The following METTL8 variants were observed in gnomAD, a reference collection of about 807,000 sequenced individuals.
METTL8 encodes tRNA N(3)-cytidine methyltransferase METTL8, mitochondrial.
METTL8 carries 32 observed loss-of-function variants against 48.7 expected under a neutral mutation model. The observed-to-expected ratio is 0.66, with a 90% CI of 0.50 to 0.88. METTL8 has a LOEUF of 0.88. METTL8 is among the 40% of genes least tolerant of loss of function. METTL8 has a pLI of 0.00. For missense variants in METTL8, 464 were observed against 474.4 expected (o/e 0.98, Z 0.20); for synonymous variants, 136 against 157.1 (o/e 0.87, Z 1.01).
At chr2:171,361,492 A>G (rs1685167429) in intron 2 of METTL8, among the ~76,000 whole-genome samples, 1 of 152,196 alleles carries the variant, frequency 6.6e-6, no homozygotes, top group South Asian at 2.1e-4. Context: ...ACCGACAAAC[A>G]TTGAGCAGTT....
At chr2:171,430,162 A>C (rs1019438423) in intron 1 of METTL8, among the ~76,000 whole-genome samples, 3 of 152,166 alleles carry the variant, frequency 2.0e-5, no homozygotes, top group African/African-American at 7.2e-5. Context: ...GTTCACAACC[A>C]GCCTGGCCAA....
At chr2:171,365,850 T>C (rs1685661480) in intron 2 of METTL8, among the ~76,000 whole-genome samples, 1 of 152,168 alleles carries the variant, frequency 6.6e-6, no homozygotes, top group African/African-American at 2.4e-5. Flanking sequence ...GCAAGACTGA[T>C]CCTTAAGAGA....
At chr2:171,419,857 C>T (rs1441798323) in intron 1 of METTL8, among the ~76,000 whole-genome samples, 1 of 152,040 alleles carries the variant, frequency 6.6e-6, no homozygotes, top group Non-Finnish European at 1.5e-5. Flanking sequence ...TTCCACCACC[C>T]TAAAAAAATC....
intron 3 of METTL8, among the ~76,000 whole-genome samples, chr2:171,346,337 T>C (rs982171858): frequency 6.6e-6 from 1 of 152,230 alleles, no homozygotes; most frequent in Non-Finnish European, 1.5e-5. Flanking sequence ...CCAGATGCCA[T>C]ATACATTTTA....
At chr2:171,388,477 T>C (rs1205687472) in intron 2 of METTL8, among the ~76,000 whole-genome samples, 1 of 152,186 alleles carries the variant, frequency 6.6e-6, no homozygotes, top group Non-Finnish European at 1.5e-5. Context: ...CTATCCTCTA[T>C]CTCATGAAAA....
intron 2 of METTL8, among the ~76,000 whole-genome samples, chr2:171,373,184 T>G (rs972414748): frequency 6.6e-6 from 1 of 152,168 alleles, no homozygotes; most frequent in African/African-American, 2.4e-5. Context: ...TTCTAACTGG[T>G]GTGAGATGGT....
chr2:171,413,079 C>CA, intron 1 of METTL8, among the ~76,000 whole-genome samples: 1 of 152,234 alleles, frequency 6.6e-6, no homozygotes, highest in East Asian at 1.9e-4. Flanking sequence ...TAAGATGATA[C>CA]AAAATCAAGC....
At chr2:171,434,174 G>A, upstream of METTL8, 2 of 373,656 alleles carry the variant, frequency 5.4e-6, no homozygotes, top group South Asian at 1.9e-5. Flanking sequence ...GGCAGAGGCA[G>A]GGCCGGGCAA....
intron 3 of METTL8, among the ~76,000 whole-genome samples, chr2:171,359,824 C>T (rs1023558974): frequency 2.6e-5 from 4 of 152,036 alleles, no homozygotes; most frequent in Admixed American, 2.0e-4. Flanking sequence ...ATCTCTTGAC[C>T]TTGTGATCTG....
In METTL8 at chr2:171,360,512, C is replaced by A. The variant is rs545647826; in HGVS notation, c.145G>T (p.Asp49Tyr). Residue 49 changes from aspartate to tyrosine, a missense_variant and splice_region_variant, in exon 3 of 10, where the codon GAT becomes TAT. Transcript: ENST00000375258. ...PAKVFEHNMWDHMQWSKEEEA... is the reference protein window; with the variant it reads ...PAKVFEHNMWYHMQWSKEEEA... ...TCTTCCTTAGACCACTGCATGTGAT[C>A]CCTATTAAAAAAAAATAGACTGTAA... 3 of 1,609,780 alleles carry A rather than the reference C, an allele frequency of 1.9e-6. No individual in the cohort carries two copies. The highest frequency in any genetic ancestry group is 2.7e-5 in the African/African-American group (2 of 74,628).
chr2:171,334,409 C>T (rs1210968165), intron 5 of METTL8, among the ~76,000 whole-genome samples: 2 of 152,118 alleles, frequency 1.3e-5, no homozygotes, highest in African/African-American at 4.8e-5. Flanking sequence ...CTTCTCCCAG[C>T]AAACAGGTGT....
At chr2:171,348,503 T>C (rs905284366) in intron 3 of METTL8, among the ~76,000 whole-genome samples, 7 of 152,278 alleles carry the variant, frequency 4.6e-5, no homozygotes, top group Admixed American at 3.9e-4. Flanking sequence ...GTTACACTGA[T>C]GTTGCCACAA....
intron 3 of METTL8, among the ~76,000 whole-genome samples, chr2:171,355,956 G>A (rs1159144713): frequency 2.0e-5 from 3 of 151,672 alleles, no homozygotes. Context: ...CTCATGCTCC[G>A]TGGGCTGCAT....
At chr2:171,400,776 G>A (rs1438337793) in intron 1 of METTL8, among the ~76,000 whole-genome samples, 1 of 152,106 alleles carries the variant, frequency 6.6e-6, no homozygotes, top group Non-Finnish European at 1.5e-5. Context: ...TGGTTCCTAA[G>A]ACTGCTTTCT....
intron 2 of METTL8, among the ~76,000 whole-genome samples, chr2:171,364,437 G>T (rs1015206999): frequency 6.6e-6 from 1 of 151,820 alleles, no homozygotes; most frequent in Admixed American, 6.6e-5. Context: ...TGGGCAGAAA[G>T]TACAAAATAT....
intron 1 of METTL8, among the ~76,000 whole-genome samples, chr2:171,408,360 T>C (rs1462937443): frequency 6.6e-6 from 1 of 151,312 alleles, no homozygotes; most frequent in Non-Finnish European, 1.5e-5. Flanking sequence ...AATGGCAAGA[T>C]TTTGGCTCAC....
chr2:171,324,810 C>T (rs1684764524), intron 9 of METTL8, among the ~76,000 whole-genome samples: 1 of 152,048 alleles, frequency 6.6e-6, no homozygotes, highest in Non-Finnish European at 1.5e-5. Flanking sequence ...GCCTGTAATC[C>T]CAGCACTTTT....
At chr2:171,393,528 A>C (rs1688782501) in intron 1 of METTL8, among the ~76,000 whole-genome samples, 2 of 151,894 alleles carry the variant, frequency 1.3e-5, no homozygotes, top group Non-Finnish European at 2.9e-5. Context: ...ATGTCATCTT[A>C]ATTATGTACT....
At chr2:171,419,612 A>G (rs1389896680) in intron 1 of METTL8, among the ~76,000 whole-genome samples, 2 of 152,156 alleles carry the variant, frequency 1.3e-5, no homozygotes, top group African/African-American at 2.4e-5. Flanking sequence ...CTTTAGTCTT[A>G]CGGTCTCATT....
Sources: allele counts gnomAD v4.1 joint callset (sites outside exome capture counted in the v4.1 genomes callset), GRCh38; gene constraint gnomAD v4.1.1; transcripts MANE v1.5; gene names NCBI Gene and HGNC (gene_info 2026-07-23, HGNC 2026-07-21).